The following TXNDC12 variants were observed in gnomAD, a reference collection of about 807,000 sequenced individuals.
The protein encoded by TXNDC12 is thioredoxin domain-containing protein 12.
A neutral mutation model predicts 24.2 loss-of-function variants in TXNDC12; 22 were observed. The ratio of observed to expected loss-of-function variants is 0.91; its 90% CI spans 0.65 to 1.30. The LOEUF is 1.30. Ranked by LOEUF, TXNDC12 falls within the 50% of genes most tolerant of loss-of-function variation. The pLI, the probability that TXNDC12 is intolerant of heterozygous loss-of-function variation, is 0.00. For synonymous variants in TXNDC12, 58 were observed against 73.4 expected, an observed-to-expected ratio of 0.79 and a Z score of 1.07; for missense variants, 184 against 205.8, an observed-to-expected ratio of 0.89 and a Z score of 0.65.
chr1:52,031,911 T>C (rs1022047599), intron 2 of TXNDC12, among the ~76,000 whole-genome samples: 1 of 152,204 alleles, frequency 6.6e-6, no homozygotes, highest in Non-Finnish European at 1.5e-5. Flanking sequence ...TACAATGATA[T>C]TTGCCTTGAA....
chr1:52,055,351 G>A (rs563958650), upstream of TXNDC12: 21 of 452,846 alleles, frequency 4.6e-5, no homozygotes, highest in African/African-American at 4.2e-4. Flanking sequence ...GTTGCTTTTC[G>A]TGGATTCTGG....
intron 2 of TXNDC12, among the ~76,000 whole-genome samples, chr1:52,034,266 G>A (rs1310706087): frequency 1.3e-5 from 2 of 152,194 alleles, no homozygotes; most frequent in Non-Finnish European, 2.9e-5. Context: ...AGGTCTGAAT[G>A]GGAAGGATCA....
chr1:52,033,817 G>A (rs2809916), intron 2 of TXNDC12: 59,926 of 1,489,242 alleles, frequency 0.04, 1,380 homozygotes, highest in Non-Finnish European at 0.045. Context: ...GGTTGTACGC[G>A]TCTCCGACGT....
At chr1:52,041,215 C>T (rs1685982460) in intron 2 of TXNDC12, among the ~76,000 whole-genome samples, 2 of 152,002 alleles carry the variant, frequency 1.3e-5, no homozygotes, top group African/African-American at 4.8e-5. Context: ...TGCCTGTAGT[C>T]CCAGCTACTC....
At chr1:52,054,566 A>T (rs952348683) in intron 1 of TXNDC12, among the ~76,000 whole-genome samples, 3 of 152,232 alleles carry the variant, frequency 2.0e-5, no homozygotes, top group African/African-American at 7.2e-5. Context: ...CCCAAAGGCA[A>T]GCAAGTGGCA....
At position 52,024,590 on chromosome 1, in the gene TXNDC12, TAA is replaced by T; in HGVS notation, c.286-13_286-12del. The T allele has an allele frequency of 6.3e-7, 1 of 1,599,532 alleles. No homozygotes were observed. The highest frequency in any genetic ancestry group is 8.5e-7 in the Non-Finnish European group (1 of 1,170,412). ...GGGTTCCTCTTCATCCTATTAAGAT[TAA>T]ATGTAAACCTTAAGTCAGATAACGT... On this transcript the variant is annotated splice_polypyrimidine_tract_variant and intron_variant, in intron 4 of 6. Transcript: ENST00000371626.
At chr1:52,033,119 G>A in intron 2 of TXNDC12, 1 of 1,613,156 alleles carries the variant, frequency 6.2e-7, no homozygotes, top group Admixed American at 1.7e-5. Flanking sequence ...GCCTCAAAGC[G>A]CAGCGTTAGG....
chr1:52,053,684 A>ACAG, intron 1 of TXNDC12, among the ~76,000 whole-genome samples: 1 of 150,536 alleles, frequency 6.6e-6, no homozygotes, highest in African/African-American at 2.5e-5. Context: ...CAAAACAACA[A>ACAG]CAAAAAAAAA....
chr1:52,020,801 C>T lies in TXNDC12; in HGVS notation c.*132G>A, dbSNP rs1046971197. The T allele has an allele frequency of 3.0e-6, 2 of 675,560 alleles. No individual in the cohort carries two copies. The highest frequency in any genetic ancestry group is 5.1e-6 in the Non-Finnish European group (2 of 395,492). The allele number at this position is 675,560 out of a possible 1,614,324, so 41.8% of individuals were successfully genotyped here. On this transcript the variant is annotated 3_prime_UTR_variant, in exon 7 of 7. Coordinates refer to ENST00000371626, the MANE Select transcript of TXNDC12 (RefSeq NM_015913.4). ...TAGCAGAACTCTTCCACAGTGAGAG[C>T]GCTCCTTCCAGTGTAGGTAGGAATG...
intron 1 of TXNDC12, among the ~76,000 whole-genome samples, chr1:52,051,550 AT>A (rs1393352185): frequency 6.6e-6 from 1 of 151,464 alleles, no homozygotes; most frequent in Non-Finnish European, 1.5e-5. Context: ...TAATTTTTGT[AT>A]TTTTTTTAGT....
chr1:52,036,326 A>AG (rs948530373), intron 2 of TXNDC12, among the ~76,000 whole-genome samples: 1 of 152,154 alleles, frequency 6.6e-6, no homozygotes, highest in African/African-American at 2.4e-5. Flanking sequence ...TCCAGGAAGC[A>AG]GGGGGGCAAA....
intron 1 of TXNDC12, among the ~76,000 whole-genome samples, chr1:52,053,530 G>A (rs190343798): frequency 0.018 from 2,750 of 152,146 alleles, 45 homozygotes; most frequent in Non-Finnish European, 0.026. Flanking sequence ...CAGACGTGGT[G>A]GCAGGCACCT....
chr1:52,037,944 C>G (rs1180047500), intron 2 of TXNDC12, among the ~76,000 whole-genome samples: 1 of 151,198 alleles, frequency 6.6e-6, no homozygotes, highest in East Asian at 1.9e-4. Flanking sequence ...TTTTTAAAAA[C>G]TGAAATAGGG....
At position 52,032,831 on chromosome 1, in the gene TXNDC12, G is replaced by A. The variant is rs1194032466; in HGVS notation, c.159-4201C>T. On this transcript the variant is annotated intron_variant, in intron 2 of 6. Coordinates refer to ENST00000371626, the MANE Select transcript of TXNDC12 (RefSeq NM_015913.4). ...CTCAGTTCTGCCATGGTCAAGGGCC[G>A]GGTAAACCGCAAGTGCTCTGTGGTA... The A allele has an allele frequency of 3.1e-6, 5 of 1,614,194 alleles. No homozygotes were observed. In the South Asian group the frequency reaches 4.4e-5, roughly 14 times the overall value.
chr1:52,041,876 T>C (rs1032346617), intron 1 of TXNDC12, among the ~76,000 whole-genome samples: 2 of 152,232 alleles, frequency 1.3e-5, no homozygotes, highest in African/African-American at 4.8e-5. Flanking sequence ...TCACGGAATA[T>C]GCTAATAATA....
intron 1 of TXNDC12, chr1:52,044,291 C>T (rs1686047214): frequency 6.6e-6 from 1 of 152,220 alleles, no homozygotes. Flanking sequence ...TGAACGCAAG[C>T]GTCCATTATG....
chr1:52,051,306 G>A (rs1239580318), intron 1 of TXNDC12, among the ~76,000 whole-genome samples: 1 of 152,184 alleles, frequency 6.6e-6, no homozygotes, highest in Non-Finnish European at 1.5e-5. Flanking sequence ...CTTTCTCATT[G>A]ATTAATTGGT....
chr1:52,050,377 CCA>C (rs147344529), intron 1 of TXNDC12, among the ~76,000 whole-genome samples: 275 of 152,300 alleles, frequency 1.8e-3, no homozygotes, highest in African/African-American at 6.2e-3. Context: ...TTAATTTATG[CCA>C]GTTATCTGCA....
intron 2 of TXNDC12, chr1:52,033,463 G>C (rs780002153): frequency 3.1e-6 from 5 of 1,613,052 alleles, no homozygotes; most frequent in Non-Finnish European, 4.2e-6. Flanking sequence ...GCAGAGCGGG[G>C]TGCGCGCCGC....
Sources: gnomAD v4.1 joint callset for allele counts (sites outside exome capture counted in the v4.1 genomes callset) on GRCh38, gnomAD v4.1.1 for gene constraint, MANE v1.5 for transcripts, NCBI Gene and HGNC (gene_info 2026-07-23, HGNC 2026-07-21) for gene names.